Variants in STX6 observed in about 807,000 individuals in gnomAD.
The protein encoded by STX6 is syntaxin 6.
A neutral mutation model predicts 38.0 loss-of-function variants in STX6; 23 were observed. The observed-to-expected ratio is 0.60, with a 90% CI of 0.43 to 0.86. STX6 has a LOEUF of 0.86. Ranked by LOEUF, STX6 falls within the 40% of genes least tolerant of loss-of-function variation. STX6 has a pLI of 0.00. For missense variants in STX6, 274 were observed against 312.9 expected (o/e 0.88, Z 0.94); for synonymous variants, 123 against 107.5 (o/e 1.14, Z -0.89).
chr1:180,988,047 C>G (rs1655640220), intron 6 of STX6, 192 bp downstream of exon 6: 1 of 468,330 alleles, frequency 2.1e-6, no homozygotes, highest in South Asian at 2.6e-5. Context: ...TCACCTAAAG[C>G]CTGTAGTAAA....
intron 2 of STX6, among the ~76,000 whole-genome samples, chr1:181,003,678 T>C (rs1429756423): frequency 1.3e-5 from 2 of 152,232 alleles, no homozygotes; most frequent in African/African-American, 4.8e-5. Flanking sequence ...GAAGCTGGTT[T>C]CCTTATGTTT....
chr1:181,005,246 C>T, intron 2 of STX6, 48 bp downstream of exon 2: 1 of 1,560,468 alleles, frequency 6.4e-7, no homozygotes, highest in Non-Finnish European at 8.7e-7. Context: ...AAAACTTGTC[C>T]ATTTGTCTAT....
At chr1:180,999,573 A>T (rs1020999604) in intron 3 of STX6, among the ~76,000 whole-genome samples, 25 of 152,162 alleles carry the variant, frequency 1.6e-4, no homozygotes, top group Admixed American at 1.4e-3. Context: ...ACAAAACTCT[A>T]AACAAGGAAA....
At position 180,975,520 on chromosome 1, in the gene STX6, T is replaced by C. The variant is rs1441335982; in HGVS notation, c.*1050A>G. 6.6e-6 allele frequency: 1 copy of C among 152,658 alleles called. No homozygotes were observed. Among genetic ancestry groups the C allele is most frequent in the East Asian group, 1.9e-4 (1 of 5,198 alleles). The allele number at this position is 152,658 out of a possible 1,614,324, so 9.5% of individuals were successfully genotyped here. On this transcript the variant is annotated 3_prime_UTR_variant, in exon 8 of 8. Transcript: ENST00000258301. ...CAAGTTTACCTACACATCCTTGCCA[T>C]TACCCACAGAGTAAGAGAAGTCTGG...
rs759956966 is a variant in STX6, at chr1:180,973,489, T to C, written c.*3081A>G. Reference sequence around the variant, plus strand: ...TAGACTAGATTTCTTTTCACAGCCCTTAATCTCACGAGGTGAGAAGGAGTG... The same window carrying C: ...TAGACTAGATTTCTTTTCACAGCCCCTAATCTCACGAGGTGAGAAGGAGTG... On this transcript the variant is annotated 3_prime_UTR_variant, in exon 8 of 8. Coordinates refer to ENST00000258301, the MANE Select transcript of STX6 (RefSeq NM_005819.6). 2.0e-5 allele frequency: 3 copies of C among 152,656 alleles called. No individual in the cohort carries two copies. Among genetic ancestry groups the C allele is most frequent in the Non-Finnish European group, 4.4e-5 (3 of 68,042 alleles). The allele number at this position is 152,656 out of a possible 1,614,324, so 9.5% of individuals were successfully genotyped here. A position where few individuals can be genotyped will look rare whatever the true frequency, so the allele number is the denominator to read the frequency against.
Position 180,993,354 on chromosome 1 carries a change from T to A in STX6, c.363+9A>T. 6.7e-7 allele frequency: 1 copy of A among 1,492,144 alleles called. No individual in the cohort carries two copies. The highest frequency in any genetic ancestry group is 1.4e-5 in the African/African-American group (1 of 72,532). The allele number at this position is 1,492,144 out of a possible 1,614,324, so 92.4% of individuals were successfully genotyped here. On this transcript the variant is annotated intron_variant, in intron 4 of 7. Coordinates refer to ENST00000258301, the MANE Select transcript of STX6 (RefSeq NM_005819.6). Reference sequence around the variant, plus strand: ...TGTCATTGATAATTATATTCTGATGTTTTCTCACCTGTCTATTTTTTCTTT... The same window carrying A: ...TGTCATTGATAATTATATTCTGATGATTTCTCACCTGTCTATTTTTTCTTT...
At position 180,974,101 on chromosome 1, in the gene STX6, G is replaced by C. The variant is rs915939809; in HGVS notation, c.*2469C>G. On this transcript the variant is annotated 3_prime_UTR_variant, in exon 8 of 8. Transcript: ENST00000258301. ...TAGGACCACTGAGGAGGAAATATTT[G>C]TCCTTAAAAATAAATGTAGGTTCCC... 8.5e-5 allele frequency: 13 copies of C among 152,182 alleles called. No individual in the cohort carries two copies. Among genetic ancestry groups the C allele is most frequent in the African/African-American group, 2.4e-4 (10 of 41,444 alleles). The allele number at this position is 152,182 out of a possible 1,614,324, so 9.4% of individuals were successfully genotyped here.
chr1:180,988,465 G>A, intron 5 of STX6, 120 bp from the exon 6 acceptor site: 1 of 716,954 alleles, frequency 1.4e-6, no homozygotes, highest in Non-Finnish European at 2.4e-6. Flanking sequence ...CAGAAGCAAA[G>A]CCCAGAAATC....
intron 3 of STX6, among the ~76,000 whole-genome samples, chr1:180,996,613 A>G (rs1160745506): frequency 6.6e-6 from 1 of 151,984 alleles, no homozygotes; most frequent in Non-Finnish European, 1.5e-5. Flanking sequence ...TCTGATGCCC[A>G]GGCATCATCA....
intron 5 of STX6, among the ~76,000 whole-genome samples, chr1:180,989,753 G>T (rs1298038938): frequency 6.6e-6 from 1 of 152,082 alleles, no homozygotes; most frequent in Non-Finnish European, 1.5e-5. Context: ...TCAGTAGCTA[G>T]GACTAAAGGT....
chr1:180,998,699 G>A (rs1183815113), intron 3 of STX6, among the ~76,000 whole-genome samples: 1 of 152,140 alleles, frequency 6.6e-6, no homozygotes, highest in Non-Finnish European at 1.5e-5. Flanking sequence ...CTTCTAAGAT[G>A]GCACTTTATC....
chr1:181,017,190 T>A (rs1358069217), intron 1 of STX6, among the ~76,000 whole-genome samples: 1 of 150,572 alleles, frequency 6.6e-6, no homozygotes, highest in East Asian at 2.0e-4. Flanking sequence ...ATCGAGACCA[T>A]CCTGGCTAAC....
intron 3 of STX6, 22 bp from the exon 4 acceptor site, chr1:180,993,447 A>G: frequency 3.5e-6 from 5 of 1,435,318 alleles, no homozygotes; most frequent in South Asian, 1.2e-5. Context: ...GAAGATACGA[A>G]AACAAATGAA....
chr1:181,019,543 T>C lies in STX6; in HGVS notation c.35+3096A>G, dbSNP rs369913992. On this transcript the variant is annotated intron_variant, in intron 1 of 7. Coordinates refer to ENST00000258301, the MANE Select transcript of STX6 (RefSeq NM_005819.6). ...TGTGGGTGCATGTAGAGTAAGAGCA[T>C]CCAGTACAGCAATCACAGTCACTGT... Among the ~76,000 whole-genome samples the C allele has an allele frequency of 9.2e-5, 14 of 152,214 alleles. No homozygotes were observed. In the South Asian group the frequency reaches 2.9e-3, roughly 32 times the overall value.
chr1:181,019,469 G>A (rs941166816), intron 1 of STX6, among the ~76,000 whole-genome samples: 1 of 152,196 alleles, frequency 6.6e-6, no homozygotes, highest in Non-Finnish European at 1.5e-5. Context: ...CTGGAGGCAA[G>A]GGAGATGCTT....
In STX6 at chr1:180,980,253, C is replaced by T. The variant is rs548319323; in HGVS notation, c.692-3607G>A. ...ATGAAAGAGCTGCCAGGGAAGCATACGAAAAGATGTTCAACATTAGATGTC... is the reference window on the plus strand; with the variant it reads ...ATGAAAGAGCTGCCAGGGAAGCATATGAAAAGATGTTCAACATTAGATGTC... On this transcript the variant is annotated intron_variant, in intron 7 of 7. Transcript: ENST00000258301. Among the ~76,000 whole-genome samples the T allele has an allele frequency of 3.8e-4, 55 of 146,418 alleles. 1 individual carries two copies. Among genetic ancestry groups the T allele is most frequent in the Admixed American group, 8.9e-4 (13 of 14,610 alleles).
rs76709134 is a variant in STX6 at position 180,982,154 on chromosome 1, C to T, written c.691+2523G>A. ...ACAGCCACGGGGAGCGGAGATGGTC[C>T]GCCTGTGTGCCTGTAACTACTTAAT... On this transcript the variant is annotated intron_variant, in intron 7 of 7. Coordinates refer to ENST00000258301, the MANE Select transcript of STX6 (RefSeq NM_005819.6). Among the ~76,000 whole-genome samples the T allele has an allele frequency of 4.2e-3, 633 of 152,242 alleles. 7 individuals are homozygous for T. Among genetic ancestry groups the T allele is most frequent in the African/African-American group, 0.015 (613 of 41,536 alleles).
intron 3 of STX6, among the ~76,000 whole-genome samples, chr1:180,996,380 C>T (rs927479181): frequency 1.3e-5 from 2 of 152,086 alleles, no homozygotes; most frequent in Non-Finnish European, 2.9e-5. Flanking sequence ...AGACAATTCA[C>T]AAAAACCCCA....
intron 1 of STX6, among the ~76,000 whole-genome samples, chr1:181,017,062 A>G (rs112941263): frequency 1.6e-3 from 232 of 147,838 alleles, no homozygotes; most frequent in Non-Finnish European, 2.7e-3. Context: ...ACAGAATGAG[A>G]CTCTGTCTCA....
Sources: gnomAD v4.1 joint callset for allele counts (sites outside exome capture counted in the v4.1 genomes callset) on GRCh38, gnomAD v4.1.1 for gene constraint, MANE v1.5 for transcripts, NCBI Gene and HGNC (gene_info 2026-07-23, HGNC 2026-07-21) for gene names.